The following SETBP1 variants were observed in gnomAD, a reference collection of about 807,000 sequenced individuals.
The protein encoded by SETBP1 is SET-binding protein.
Under a neutral mutation model 101.0 loss-of-function variants are expected in SETBP1, and 9 were observed. The observed-to-expected ratio is 0.09, with a 90% CI of 0.05 to 0.16. The LOEUF (loss-of-function observed/expected upper bound fraction) is 0.16, where lower values mean the gene tolerates loss of function less well. Among genes scored for constraint, SETBP1 ranks in the 10% least tolerant of loss-of-function variants. SETBP1 has a pLI of 1.00. For missense variants in SETBP1, 1,858 were observed against 2,033.8 expected, an observed-to-expected ratio of 0.91 and a Z score of 1.66; for synonymous variants, 818 against 788.5, an observed-to-expected ratio of 1.04 and a Z score of -0.63.
chr18:44,833,300 A>C (rs1210892221), intron 2 of SETBP1, among the ~76,000 whole-genome samples: 1 of 152,198 alleles, frequency 6.6e-6, no homozygotes, highest in Non-Finnish European at 1.5e-5. Flanking sequence ...TTTAAGGTGG[A>C]AAGATCTTTC....
intron 5 of SETBP1, among the ~76,000 whole-genome samples, chr18:45,050,045 A>G (rs2073696138): frequency 6.6e-6 from 1 of 152,232 alleles, no homozygotes. Context: ...TAGGAAAAAA[A>G]TACTTGGTTT....
At chr18:44,750,277 T>C (rs183484024) in intron 2 of SETBP1, among the ~76,000 whole-genome samples, 10 of 152,342 alleles carry the variant, frequency 6.6e-5, no homozygotes, top group Admixed American at 5.9e-4. Context: ...CAGTTCCTGG[T>C]GAAGGCCCTC....
intron 3 of SETBP1, among the ~76,000 whole-genome samples, chr18:44,874,263 G>A (rs894797678): frequency 3.9e-5 from 6 of 152,116 alleles, no homozygotes; most frequent in African/African-American, 1.4e-4. Flanking sequence ...CGAATACTCA[G>A]TCCATATTCA....
rs141074202 is a variant in SETBP1 at position 44,799,067 on chromosome 18, G to A, written c.487-70163G>A. On this transcript the variant is annotated intron_variant, in intron 2 of 5. Coordinates refer to ENST00000649279, the MANE Select transcript of SETBP1 (RefSeq NM_015559.3). ...GTATATTAATTAGCCATTGTGGTGG[G>A]CACTGTGGACGAGATCTGGCCTACA... Among the ~76,000 whole-genome samples the A allele has an allele frequency of 1.2e-4, 19 of 152,292 alleles. No homozygotes were observed. In the East Asian group the frequency reaches 2.5e-3, roughly 20 times the overall value.
intron 3 of SETBP1, among the ~76,000 whole-genome samples, chr18:44,892,736 T>C (rs1346742218): frequency 1.3e-5 from 2 of 152,128 alleles, no homozygotes; most frequent in Non-Finnish European, 2.9e-5. Context: ...CATAATAATT[T>C]TTCTTCCTCA....
At chr18:44,945,553 T>C (rs1282411638) in intron 3 of SETBP1, among the ~76,000 whole-genome samples, 1 of 151,868 alleles carries the variant, frequency 6.6e-6, no homozygotes, top group Non-Finnish European at 1.5e-5. Flanking sequence ...TCACAAACAA[T>C]CAACTCTTGG....
At chr18:44,986,622 T>G (rs1464615348) in intron 4 of SETBP1, 1 of 151,924 alleles carries the variant, frequency 6.6e-6, no homozygotes, top group African/African-American at 2.4e-5. Context: ...ATTTTGATTT[T>G]TTTTTTTTTT....
At chr18:44,965,245 C>T (rs886942236) in intron 4 of SETBP1, among the ~76,000 whole-genome samples, 13 of 150,292 alleles carry the variant, frequency 8.6e-5, no homozygotes, top group East Asian at 7.9e-4. Flanking sequence ...ACTCTCACTT[C>T]GCACACATAC....
chr18:44,747,212 C>A (rs968014897), intron 2 of SETBP1, among the ~76,000 whole-genome samples: 2 of 152,196 alleles, frequency 1.3e-5, no homozygotes, highest in South Asian at 2.1e-4. Flanking sequence ...TTCAGGGATA[C>A]CTTCATGACC....
At chr18:44,996,725 G>T (rs1045379241) in intron 4 of SETBP1, among the ~76,000 whole-genome samples, 1 of 152,226 alleles carries the variant, frequency 6.6e-6, no homozygotes, top group Non-Finnish European at 1.5e-5. Context: ...CCTGAGAGGT[G>T]AAATGAGTCT....
chr18:44,918,365 G>A (rs1437852461), intron 3 of SETBP1, among the ~76,000 whole-genome samples: 1 of 152,184 alleles, frequency 6.6e-6, no homozygotes, highest in African/African-American at 2.4e-5. Context: ...GGTTTCCCCA[G>A]GCCAGGCCTT....
intron 4 of SETBP1, among the ~76,000 whole-genome samples, chr18:44,960,592 C>T (rs1183683600): frequency 2.0e-5 from 3 of 152,190 alleles, no homozygotes; most frequent in Non-Finnish European, 4.4e-5. Flanking sequence ...GATCCTCCCT[C>T]CTCCACCTCC....
intron 3 of SETBP1, among the ~76,000 whole-genome samples, chr18:44,872,968 T>C (rs746752683): frequency 6.6e-6 from 1 of 152,184 alleles, no homozygotes; most frequent in Non-Finnish European, 1.5e-5. Context: ...CAAAATGGAG[T>C]ATTATTTCAA....
intron 4 of SETBP1, among the ~76,000 whole-genome samples, chr18:44,991,773 A>T (rs1254996420): frequency 6.6e-6 from 1 of 152,216 alleles, no homozygotes; most frequent in East Asian, 1.9e-4. Flanking sequence ...ATCAAAGAAA[A>T]GCAATTTCCA....
At chr18:44,957,133 A>C (rs2071502981) in intron 4 of SETBP1, among the ~76,000 whole-genome samples, 1 of 152,176 alleles carries the variant, frequency 6.6e-6, no homozygotes, top group South Asian at 2.1e-4. Flanking sequence ...GTCGGCAGGC[A>C]TTGCCTTCTC....
intron 2 of SETBP1, among the ~76,000 whole-genome samples, chr18:44,753,012 G>A (rs1477359669): frequency 6.6e-6 from 1 of 152,204 alleles, no homozygotes; most frequent in African/African-American, 2.4e-5. Context: ...CCAAGACTTA[G>A]AGAGGATTAG....
chr18:45,028,472 T>C (rs370569032), intron 4 of SETBP1, among the ~76,000 whole-genome samples: 4 of 152,042 alleles, frequency 2.6e-5, no homozygotes, highest in African/African-American at 7.2e-5. Context: ...AATAAACATA[T>C]GTGTGCATGT....
chr18:44,897,744 ATCT>A (rs2069940879), intron 3 of SETBP1, among the ~76,000 whole-genome samples: 1 of 152,218 alleles, frequency 6.6e-6, no homozygotes, highest in African/African-American at 2.4e-5. Context: ...AAACGAGGCC[ATCT>A]TTTTAGATGG....
intron 5 of SETBP1, among the ~76,000 whole-genome samples, chr18:45,058,463 A>G (rs1481609269): frequency 2.0e-5 from 3 of 152,242 alleles, no homozygotes; most frequent in Admixed American, 2.0e-4. Context: ...TAATGAGTAT[A>G]GAAAAGAATT....
Sources: gnomAD v4.1 joint callset for allele counts (sites outside exome capture counted in the v4.1 genomes callset) on GRCh38, gnomAD v4.1.1 for gene constraint, MANE v1.5 for transcripts, NCBI Gene and HGNC (gene_info 2026-07-23, HGNC 2026-07-21) for gene names.